The following PTPDC1 variants were observed in gnomAD, a reference collection of about 807,000 sequenced individuals.
PTPDC1 encodes protein tyrosine phosphatase domain containing 1, also known as protein tyrosine phosphatase domain-containing protein 1.
PTPDC1 carries 53 observed loss-of-function variants against 75.3 expected under a neutral mutation model. That is an observed-to-expected ratio of 0.70 (90% CI 0.56 to 0.88). The LOEUF is 0.88. PTPDC1 is among the 40% of genes least tolerant of loss of function. The probability of loss-of-function intolerance (pLI) is 0.00; values close to 1 mark genes in which losing one functional copy is unlikely to be tolerated. For synonymous variants in PTPDC1, 349 were observed against 366.2 expected (o/e 0.95, Z 0.54); for missense variants, 925 against 998.6 (o/e 0.93, Z 0.99).
chr9:94,101,477 G>A (rs1353683213), intron 6 of PTPDC1, 89 bp from the exon 7 acceptor site: 20 of 975,360 alleles, frequency 2.1e-5, no homozygotes, highest in South Asian at 3.3e-5. Context: ...TGTGGGCAGC[G>A]CAAGAATCAT....
At chr9:94,072,295 C>T (rs142713006) in intron 2 of PTPDC1, among the ~76,000 whole-genome samples, 38 of 152,246 alleles carry the variant, frequency 2.5e-4, no homozygotes, top group African/African-American at 8.2e-4. Flanking sequence ...CATGAGCCAC[C>T]ACACCTGGCC....
chr9:94,042,241 A>G lies in PTPDC1; in HGVS notation c.-7+11114A>G, dbSNP rs561380955. 4.6e-5 allele frequency among the ~76,000 whole-genome samples: 7 copies of G among 152,206 alleles called. No individual in the cohort carries two copies. In the East Asian group the frequency reaches 1.4e-3, roughly 29 times the overall value. On this transcript the variant is annotated intron_variant, in intron 1 of 9. Coordinates refer to the PTPDC1 transcript ENST00000375360. ...TAACTACAGAACGGTACTTATGTACAGGGTTTTTTGTTGTTGTTGCTTTCT... is the reference window on the plus strand; with the variant it reads ...TAACTACAGAACGGTACTTATGTACGGGGTTTTTTGTTGTTGTTGCTTTCT...
chr9:94,090,995 G>T (rs970243313), intron 4 of PTPDC1, among the ~76,000 whole-genome samples: 3 of 152,140 alleles, frequency 2.0e-5, no homozygotes, highest in Admixed American at 6.5e-5. Flanking sequence ...AGACAATGGG[G>T]TTTTCTAGAT....
In PTPDC1 at chr9:94,098,318, T is replaced by A; in HGVS notation, c.1752T>A (p.His584Gln). Residue 584 changes from histidine (H) to glutamine (Q), a missense_variant, in exon 6 of 9, where the codon CAT (histidine) becomes CAA (glutamine). By Grantham distance (24) the His-to-Gln change is conservative (BLOSUM62 0). Coordinates refer to ENST00000620992, the MANE Select transcript of PTPDC1 (RefSeq NM_001253829.2). ...QQVSHCQCKTHGVGSPGSVRQ... is the reference protein window; with the variant it reads ...QQVSHCQCKTQGVGSPGSVRQ... ...TGTCTCACTGTCAGTGTAAAACTCA[T>A]GGTGTTGGGAGCCCTGGCTCTGTCA... 6.2e-7 allele frequency: 1 copy of A among 1,614,182 alleles called. No homozygotes were observed. The highest frequency in any genetic ancestry group is 8.5e-7 in the Non-Finnish European group (1 of 1,180,026).
At chr9:94,089,002 G>C (rs1033132518) in intron 4 of PTPDC1, among the ~76,000 whole-genome samples, 1 of 150,964 alleles carries the variant, frequency 6.6e-6, no homozygotes. Flanking sequence ...ATTATACTTC[G>C]CCATAATTCT....
chr9:94,054,086 A>T (rs1293104172), intron 1 of PTPDC1, among the ~76,000 whole-genome samples: 2 of 152,254 alleles, frequency 1.3e-5, no homozygotes, highest in Non-Finnish European at 2.9e-5. Flanking sequence ...TTGACAAAGC[A>T]GACAAAAAAA....
At chr9:94,102,717 T>C (rs1283811265) in intron 7 of PTPDC1, among the ~76,000 whole-genome samples, 1 of 152,044 alleles carries the variant, frequency 6.6e-6, no homozygotes, top group Non-Finnish European at 1.5e-5. Context: ...GTAGCTGGGA[T>C]TACAGCATGT....
In PTPDC1 at chr9:94,097,662, G is replaced by T. The variant is rs202171045; in HGVS notation, c.1096G>T (p.Glu366Ter). 2 of 1,614,116 alleles carry T rather than the reference G, an allele frequency of 1.2e-6. No homozygotes were observed. The highest frequency in any genetic ancestry group is 1.7e-6 in the Non-Finnish European group (2 of 1,180,020). ...GCCAGTGATGATGAAGGATGTGTCCGAAGGACCTGGTCTCTCTGCTGAAAT... is the reference window on the plus strand; with the variant it reads ...GCCAGTGATGATGAAGGATGTGTCCTAAGGACCTGGTCTCTCTGCTGAAAT... ...NRPVMMKDVS[E>*]GPGLSAEIEK... is the part of the protein sequence containing the mutation. Residue 366 changes from glutamate (E) to a stop codon, truncating the protein, a stop_gained, in exon 6 of 9, where the codon GAA (glutamate) becomes TAA (stop). Transcript: ENST00000620992. LOFTEE classifies it high-confidence loss of function.
chr9:94,105,547 A>G (rs558912652), intron 8 of PTPDC1, among the ~76,000 whole-genome samples: 81 of 151,944 alleles, frequency 5.3e-4, no homozygotes, highest in African/African-American at 1.8e-3. Context: ...GTGCGCCTGC[A>G]GTCCCAGCTA....
upstream of PTPDC1, among the ~76,000 whole-genome samples, chr9:94,082,178 G>T (rs1826904894): frequency 6.6e-6 from 1 of 152,250 alleles, no homozygotes; most frequent in Non-Finnish European, 1.5e-5. Flanking sequence ...CTTGTGAAAA[G>T]TGAGCCTCTT....
intron 1 of PTPDC1, among the ~76,000 whole-genome samples, chr9:94,033,670 A>T (rs1829769453): frequency 6.6e-6 from 1 of 152,200 alleles, no homozygotes; most frequent in Non-Finnish European, 1.5e-5. Context: ...ACTATTTTCT[A>T]TTAATATTAG....
At chr9:94,060,877 G>T (rs770448291) in intron 1 of PTPDC1, among the ~76,000 whole-genome samples, 1 of 152,212 alleles carries the variant, frequency 6.6e-6, no homozygotes, top group Non-Finnish European at 1.5e-5. Context: ...GAGTTCGGTG[G>T]GGATGCAGAT....
At position 94,097,702 on chromosome 9, in the gene PTPDC1, C is replaced by G. The variant is rs749481629; in HGVS notation, c.1136C>G (p.Ser379Cys). Residue 379 changes from serine (S) to cysteine (C), a missense_variant, in exon 6 of 9, where the codon TCT becomes TGT. Transcript: ENST00000620992. ...GLSAEIEKTM[S>C]EMVTMQLDKE... ...TCTGCTGAAATAGAAAAGACAATGT[C>G]TGAGATGGTCACCATGCAGCTGGAT... 6.2e-7 allele frequency: 1 copy of G among 1,614,222 alleles called. No homozygotes were observed. The highest frequency in any genetic ancestry group is 2.2e-5 in the East Asian group (1 of 44,882).
intron 6 of PTPDC1, chr9:94,100,662 TGA>T (rs1392315067): frequency 6.6e-6 from 1 of 152,222 alleles, no homozygotes; most frequent in Non-Finnish European, 1.5e-5. Flanking sequence ...GGGTGCCATT[TGA>T]GAGTTAGAGA....
At chr9:94,072,412 A>T (rs1826541108) in intron 2 of PTPDC1, among the ~76,000 whole-genome samples, 2 of 152,096 alleles carry the variant, frequency 1.3e-5, no homozygotes, top group South Asian at 4.1e-4. Flanking sequence ...TGCTGAACTC[A>T]CTTTCCATTC....
rs769203197 is a variant in PTPDC1, at chr9:94,084,537, G to A, written c.7G>A (p.Val3Met). MQ[V>M]QDATRRPSAV... Reference sequence around the variant, plus strand: ...GCTCTTGCCTCCCAGTGCCATGCAGGTGCAGGATGCAACCAGGCGGCCCTC... The same window carrying A: ...GCTCTTGCCTCCCAGTGCCATGCAGATGCAGGATGCAACCAGGCGGCCCTC... The change falls in exon 1 of 9, where the codon GTG becomes ATG. Residue 3 changes from valine (V) to methionine (M), a missense_variant. By Grantham distance (21) the Val-to-Met change is conservative (BLOSUM62 1). Transcript: ENST00000620992. The A allele has an allele frequency of 1.2e-5, 20 of 1,611,006 alleles. No homozygotes were observed. The highest frequency in any genetic ancestry group is 1.6e-5 in the Non-Finnish European group (19 of 1,179,964).
At chr9:94,099,498 T>C (rs1827756939) in intron 6 of PTPDC1, among the ~76,000 whole-genome samples, 1 of 152,228 alleles carries the variant, frequency 6.6e-6, no homozygotes, top group South Asian at 2.1e-4. Flanking sequence ...ATCTCTTCAG[T>C]TGCAGAGGCA....
intron 5 of PTPDC1, among the ~76,000 whole-genome samples, chr9:94,095,820 A>C (rs1012388430): frequency 3.3e-5 from 5 of 152,228 alleles, no homozygotes; most frequent in African/African-American, 1.2e-4. Flanking sequence ...AATCAAAAAA[A>C]ATTTTAAGAT....
intron 7 of PTPDC1, among the ~76,000 whole-genome samples, 168 bp from the exon 8 acceptor site, chr9:94,104,107 A>G (rs1827934174): frequency 6.6e-6 from 1 of 152,250 alleles, no homozygotes; most frequent in Admixed American, 6.5e-5. Context: ...TTATATTAAC[A>G]CATAACAATA....
Sources: gnomAD v4.1 joint callset for allele counts (sites outside exome capture counted in the v4.1 genomes callset) on GRCh38, gnomAD v4.1.1 for gene constraint, MANE v1.5 for transcripts, NCBI Gene and HGNC (gene_info 2026-07-23, HGNC 2026-07-21) for gene names.